ERG: variants seen among roughly 807,000 people sequenced by gnomAD.
ERG encodes transcriptional regulator ERG.
ERG carries 9 observed loss-of-function variants against 55.3 expected under a neutral mutation model. The ratio of observed to expected loss-of-function variants is 0.16; its 90% confidence interval spans 0.10 to 0.28. ERG has a LOEUF of 0.28. Ranked by LOEUF, ERG falls within the 10% of genes least tolerant of loss-of-function variation. The pLI, the probability that ERG is intolerant of heterozygous loss-of-function variation, is 1.00. For missense variants in ERG, 434 were observed against 631.6 expected, an observed-to-expected ratio of 0.69 and a Z score of 3.35; for synonymous variants, 223 against 237.3, an observed-to-expected ratio of 0.94 and a Z score of 0.55.
At chr21:38,598,280 G>T (rs2060143831) in intron 1 of ERG, among the ~76,000 whole-genome samples, 1 of 152,172 alleles carries the variant, frequency 6.6e-6, no homozygotes, top group South Asian at 2.1e-4. Flanking sequence ...TGGGCCCCAT[G>T]CCCCATTCCT....
intron 2 of ERG, among the ~76,000 whole-genome samples, chr21:38,545,276 T>C (rs2059780971): frequency 6.6e-6 from 1 of 152,212 alleles, no homozygotes; most frequent in South Asian, 2.1e-4. Flanking sequence ...AAATGTAAGT[T>C]CTTTCAACCT....
At chr21:38,397,343 T>C (rs746469566) in intron 6 of ERG, among the ~76,000 whole-genome samples, 3 of 152,082 alleles carry the variant, frequency 2.0e-5, no homozygotes, top group Non-Finnish European at 4.4e-5. Context: ...TTCACGCCTG[T>C]AATCCCAGCA....
At chr21:38,519,181 A>G (rs2155718) in intron 2 of ERG, among the ~76,000 whole-genome samples, 131,730 of 152,250 alleles carry the variant, frequency 0.87, 57,208 homozygotes, top group African/African-American at 0.94. Context: ...CTGGAGTTTA[A>G]AAAACATCCT....
intron 1 of ERG, among the ~76,000 whole-genome samples, chr21:38,645,309 T>C (rs2060449207): frequency 6.6e-6 from 1 of 152,250 alleles, no homozygotes; most frequent in African/African-American, 2.4e-5. Flanking sequence ...GAACTATGGC[T>C]ATAGAGAAAC....
chr21:38,598,578 G>A (rs937100782), intron 1 of ERG, among the ~76,000 whole-genome samples: 4 of 152,210 alleles, frequency 2.6e-5, no homozygotes, highest in African/African-American at 9.6e-5. Context: ...ATAGCACACA[G>A]AGCACAGCAG....
intron 2 of ERG, among the ~76,000 whole-genome samples, chr21:38,520,596 G>A (rs2836456): frequency 0.073 from 11,166 of 152,222 alleles, 620 homozygotes; most frequent in African/African-American, 0.14. Flanking sequence ...TTTGTGTACA[G>A]AAAAGGTTTG....
At chr21:38,402,781 C>G in intron 4 of ERG, 144 bp from the exon 5 acceptor site, 1 of 620,708 alleles carries the variant, frequency 1.6e-6, no homozygotes. Context: ...ACACTAACAT[C>G]ATGGGAAGCT....
At position 38,468,323 on chromosome 21, in the gene ERG, T is replaced by C. The variant is rs965537020; in HGVS notation, c.19-22702A>G. 4.6e-5 allele frequency among the ~76,000 whole-genome samples: 7 copies of C among 152,262 alleles called. No homozygotes were observed. In the South Asian group the frequency reaches 1.5e-3, roughly 32 times the overall value. The stretch of plus-strand genomic sequence containing the variant: ...TTCCGTAGCTCTGTGCAATAGAAAA[T>C]AGATATGTATTTCTCTGAATATAGA... On this transcript the variant is annotated intron_variant, in intron 1 of 9. Transcript: ENST00000288319.
At chr21:38,575,075 C>T (rs1426298846) in intron 2 of ERG, among the ~76,000 whole-genome samples, 4 of 152,168 alleles carry the variant, frequency 2.6e-5, no homozygotes, top group Non-Finnish European at 5.9e-5. Context: ...CCTCTCACCT[C>T]CAGAGCCTCA....
intron 5 of ERG, 135 bp from the exon 6 acceptor site, chr21:38,400,780 G>A (rs1988452922): frequency 3.2e-6 from 2 of 629,154 alleles, no homozygotes; most frequent in South Asian, 4.0e-5. Context: ...ACAGAGCTCC[G>A]GAGAAACAGA....
chr21:38,471,704 T>C (rs2059140807), intron 1 of ERG: 1 of 152,226 alleles, frequency 6.6e-6, no homozygotes, highest in South Asian at 2.1e-4. Flanking sequence ...TCATTTCCTC[T>C]TACCTGCACT....
intron 2 of ERG, among the ~76,000 whole-genome samples, chr21:38,538,734 A>G (rs2059729739): frequency 6.6e-6 from 1 of 152,116 alleles, no homozygotes; most frequent in Non-Finnish European, 1.5e-5. Flanking sequence ...GGGACAGAAG[A>G]CATGTGGGCT....
chr21:38,585,488 A>G (rs57472251), upstream of ERG, among the ~76,000 whole-genome samples: 3,723 of 145,542 alleles, frequency 0.026, 182 homozygotes, highest in African/African-American at 0.089. Context: ...CTTTCTTACA[A>G]TATGCCTGTA....
intron 1 of ERG, among the ~76,000 whole-genome samples, chr21:38,458,384 A>G (rs113149929): frequency 0.02 from 2,964 of 148,536 alleles, 113 homozygotes; most frequent in African/African-American, 0.069. Flanking sequence ...AGGTTGCGCC[A>G]CTGCACTCCA....
intron 2 of ERG, among the ~76,000 whole-genome samples, chr21:38,571,850 A>G (rs2059959732): frequency 6.6e-6 from 1 of 152,210 alleles, no homozygotes; most frequent in South Asian, 2.1e-4. Context: ...CTAAGATGAA[A>G]GGAATGTTCC....
chr21:38,440,737 C>T (rs1374728003), intron 2 of ERG, among the ~76,000 whole-genome samples: 1 of 141,192 alleles, frequency 7.1e-6, no homozygotes, highest in African/African-American at 2.6e-5. Flanking sequence ...TGCAGTGAGC[C>T]GAGATTGTGC....
At chr21:38,523,553 T>C (rs2059609783) in intron 2 of ERG, among the ~76,000 whole-genome samples, 1 of 152,142 alleles carries the variant, frequency 6.6e-6, no homozygotes, top group African/African-American at 2.4e-5. Context: ...AAGCCGGTGG[T>C]CACCCTGATC....
chr21:38,498,794 C>T (rs1223973786), upstream of ERG, among the ~76,000 whole-genome samples: 1 of 152,184 alleles, frequency 6.6e-6, no homozygotes, highest in African/African-American at 2.4e-5. This position sits in a 1 kb window ranked among gnomAD's most constrained non-coding sequence, Gnocchi z 4.6. Flanking sequence ...CTGCAAGCAC[C>T]TTGGAGCCAA....
intron 2 of ERG, among the ~76,000 whole-genome samples, chr21:38,558,588 A>G (rs969031504): frequency 1.3e-5 from 2 of 152,250 alleles, no homozygotes; most frequent in African/African-American, 4.8e-5. Context: ...AAGTATGGAA[A>G]TGCAAGATGG....
Sources: gnomAD v4.1 joint callset for allele counts (sites outside exome capture counted in the v4.1 genomes callset) on GRCh38, gnomAD v4.1.1 for gene constraint, Gnocchi (gnomAD v3.1) non-coding constraint, MANE v1.5 for transcripts, NCBI Gene and HGNC (gene_info 2026-07-23, HGNC 2026-07-21) for gene names.